PIAS1: variants seen among roughly 807,000 people sequenced by gnomAD.
PIAS1 encodes the protein E3 SUMO-protein ligase PIAS1.
Under a neutral mutation model 71.3 loss-of-function variants are expected in PIAS1, and 6 were observed. The observed-to-expected ratio is 0.08, with a 90% confidence interval of 0.05 to 0.17. The LOEUF (loss-of-function observed/expected upper bound fraction) is 0.17, where lower values mean the gene tolerates loss of function less well. PIAS1 is among the 10% of genes least tolerant of loss of function. The pLI is 1.00. For missense variants in PIAS1, 555 were observed against 793.6 expected (o/e 0.70, Z 3.61); for synonymous variants, 303 against 292.9 (o/e 1.03, Z -0.35).
At position 68,167,452 on chromosome 15, in the gene PIAS1, G is replaced by A. The variant is rs2092964566; in HGVS notation, c.1008+2648G>A. ...TACAGTTGCCCTTGTGATGTACAGA[G>A]CTCAAAATAAATGAGTTTCTTTTGT... On this transcript the variant is annotated intron_variant, in intron 8 of 13. Transcript: ENST00000249636. The surrounding 1 kb of genome is among the most constrained non-coding windows in gnomAD (Gnocchi z 4.4). Among the ~76,000 whole-genome samples the A allele has an allele frequency of 6.6e-6, 1 of 152,118 alleles. No homozygotes were observed. Among genetic ancestry groups the A allele is most frequent in the South Asian group, 2.1e-4 (1 of 4,828 alleles).
In PIAS1 at chr15:68,188,898, AAAAG is replaced by A. The variant is rs1319758336; in HGVS notation, c.*1069_*1072del. 2.6e-5 allele frequency: 4 copies of A among 152,248 alleles called. No homozygotes were observed. Among genetic ancestry groups the A allele is most frequent in the African/African-American group, 7.2e-5 (3 of 41,470 alleles). The allele number at this position is 152,248 out of a possible 1,614,324, so 9.4% of individuals were successfully genotyped here. ...ACAGAGGTAATGTTACATCACCTAA[AAAAG>A]AAAGATACACGGTCAGTTATCCTAA... On this transcript the variant is annotated 3_prime_UTR_variant, in exon 14 of 14. Coordinates refer to ENST00000249636, the MANE Select transcript of PIAS1 (RefSeq NM_016166.3).
At chr15:68,125,951 A>T (rs1383710772) in intron 2 of PIAS1, among the ~76,000 whole-genome samples, 2 of 152,130 alleles carry the variant, frequency 1.3e-5, no homozygotes, top group Non-Finnish European at 2.9e-5. Context: ...CTCCTGCCCT[A>T]GCCTCCCAAA....
At chr15:68,068,459 CT>C (rs1317734300) in intron 1 of PIAS1, among the ~76,000 whole-genome samples, 2 of 151,086 alleles carry the variant, frequency 1.3e-5, no homozygotes, top group East Asian at 1.9e-4. Flanking sequence ...GGGGTTAAGT[CT>C]TTTTTTTTGA....
Position 68,106,593 on chromosome 15 carries a change from C to T in PIAS1, c.469+19843C>T, listed in dbSNP as rs148826574. Among the ~76,000 whole-genome samples, 168 of 151,610 alleles carry T rather than the reference C, an allele frequency of 1.1e-3. 1 individual carries two copies. The highest frequency in any genetic ancestry group is 3.9e-3 in the African/African-American group (162 of 41,292). ...CAGTTGTCTCTCTTCATGTTTCCCC[C>T]ACCTTTGTCTGCCCCCTCCTTAGTT... On this transcript the variant is annotated intron_variant, in intron 2 of 13. Coordinates refer to ENST00000249636, the MANE Select transcript of PIAS1 (RefSeq NM_016166.3).
intron 1 of PIAS1, among the ~76,000 whole-genome samples, chr15:68,065,785 GGCTGGAGT>G (rs1445342785): frequency 7.6e-6 from 1 of 131,524 alleles, no homozygotes; most frequent in African/African-American, 3.0e-5. Context: ...CTCTTGCCCA[GGCTGGAGT>G]GCAGTGGTAT....
chr15:68,113,084 C>T (rs1159798960), intron 2 of PIAS1, among the ~76,000 whole-genome samples: 1 of 152,066 alleles, frequency 6.6e-6, no homozygotes, highest in African/African-American at 2.4e-5. Context: ...TTTTTCACAT[C>T]AAGTTGCCAT....
At chr15:68,164,654 CT>C in intron 7 of PIAS1, 76 bp from the exon 8 acceptor site, 1 of 752,614 alleles carries the variant, frequency 1.3e-6, no homozygotes, top group Non-Finnish European at 2.2e-6. Flanking sequence ...GCTTTTTATT[CT>C]TTATAGTAAT....
chr15:68,071,553 TAGAA>T (rs372679552), intron 1 of PIAS1, among the ~76,000 whole-genome samples: 2 of 151,442 alleles, frequency 1.3e-5, no homozygotes, highest in African/African-American at 4.8e-5. Context: ...TAAACGATAA[TAGAA>T]AGCAGTACCA....
intron 2 of PIAS1, among the ~76,000 whole-genome samples, chr15:68,093,053 T>G (rs919487762): frequency 6.6e-6 from 1 of 152,240 alleles, no homozygotes; most frequent in Admixed American, 6.5e-5. Flanking sequence ...CAGTGATGAC[T>G]TCGCAGTTTT....
At chr15:68,150,819 A>G (rs1371333979) in intron 6 of PIAS1, among the ~76,000 whole-genome samples, 2 of 152,194 alleles carry the variant, frequency 1.3e-5, no homozygotes, top group Admixed American at 6.5e-5. Context: ...TCAGATTTTC[A>G]GATTAGGGAT....
chr15:68,116,463 C>T (rs1054265963), intron 2 of PIAS1, among the ~76,000 whole-genome samples: 6 of 152,010 alleles, frequency 3.9e-5, no homozygotes, highest in African/African-American at 1.4e-4. Flanking sequence ...CAATCTATGT[C>T]TTTTCTTCTT....
chr15:68,145,712 T>C, intron 4 of PIAS1, 104 bp from the exon 5 acceptor site: 2 of 673,336 alleles, frequency 3.0e-6, no homozygotes, highest in South Asian at 1.9e-5. Context: ...TTTTCCCTTT[T>C]GGTTGTTTTT....
rs1355758249 is a variant in PIAS1, at chr15:68,081,641, A to T, written c.25-4665A>T. Among the ~76,000 whole-genome samples the T allele has an allele frequency of 2.0e-5, 3 of 152,276 alleles. 1 individual carries two copies. The highest frequency in any genetic ancestry group is 6.8e-3 in the Middle Eastern group (2 of 294). ...AGAGTTCATGGAAATTAAAAATTTA[A>T]TGTAAGCGTTAGGAGATAAAATTGA... On this transcript the variant is annotated intron_variant, in intron 1 of 13. Transcript: ENST00000249636.
rs2092964968 is a variant in PIAS1, at chr15:68,167,519, T to C, written c.1008+2715T>C. 1.3e-5 allele frequency among the ~76,000 whole-genome samples: 2 copies of C among 152,168 alleles called. No homozygotes were observed. The highest frequency in any genetic ancestry group is 2.1e-4 in the South Asian group (1 of 4,838). The stretch of plus-strand genomic sequence containing the variant: ...TAAAGGCAACAAAAATAATTAAAAA[T>C]GTTTTTACTCTTTGGGAATTTTATG... On this transcript the variant is annotated intron_variant, in intron 8 of 13. Coordinates refer to ENST00000249636, the MANE Select transcript of PIAS1 (RefSeq NM_016166.3). This position sits in a 1 kb window ranked among gnomAD's most constrained non-coding sequence, Gnocchi z 4.4.
chr15:68,173,996 G>T lies in PIAS1; in HGVS notation c.1169+104G>T. 1.5e-6 allele frequency: 1 copy of T among 649,842 alleles called. No individual in the cohort carries two copies. The allele number at this position is 649,842 out of a possible 1,614,324, so 40.3% of individuals were successfully genotyped here. On this transcript the variant is annotated intron_variant, in intron 9 of 13. Transcript: ENST00000249636. This position sits in a 1 kb window ranked among gnomAD's most constrained non-coding sequence, Gnocchi z 4.3. ...AAAATTCTAAGTTATATATTTGTAG[G>T]ATTTTTGTGAGTCTGCAAACCAATA...
Position 68,171,521 on chromosome 15 carries a change from A to G in PIAS1, c.1009-2211A>G, listed in dbSNP as rs1199480534. 6.6e-6 allele frequency among the ~76,000 whole-genome samples: 1 copy of G among 152,098 alleles called. No homozygotes were observed. Among genetic ancestry groups the G allele is most frequent in the Non-Finnish European group, 1.5e-5 (1 of 68,004 alleles). On this transcript the variant is annotated intron_variant, in intron 8 of 13. Transcript: ENST00000249636. This position sits in a 1 kb window ranked among gnomAD's most constrained non-coding sequence, Gnocchi z 4.4. ...TCATATGCAGGAGTGTAGAGTTGGG[A>G]GTACACAGAAGGGAGTTACCAGTTT...
intron 7 of PIAS1, among the ~76,000 whole-genome samples, chr15:68,155,639 A>G (rs914666657): frequency 6.6e-6 from 1 of 152,218 alleles, no homozygotes; most frequent in South Asian, 2.1e-4. Context: ...GTCAAGCCAG[A>G]CACTCTTATG....
At chr15:68,087,514 C>T (rs936329381) in intron 2 of PIAS1, among the ~76,000 whole-genome samples, 6 of 152,048 alleles carry the variant, frequency 3.9e-5, no homozygotes, top group Admixed American at 6.6e-5. Flanking sequence ...TGGCATACTA[C>T]GGCTGGCAAG....
intron 1 of PIAS1, among the ~76,000 whole-genome samples, chr15:68,070,211 A>G (rs143455228): frequency 1.3e-5 from 2 of 152,330 alleles, no homozygotes; most frequent in Non-Finnish European, 2.9e-5. Context: ...TCTCCTACAA[A>G]GTGGGAACTA....
Sources: gnomAD v4.1 joint callset for allele counts (sites outside exome capture counted in the v4.1 genomes callset) on GRCh38, gnomAD v4.1.1 for gene constraint, Gnocchi (gnomAD v3.1) non-coding constraint, MANE v1.5 for transcripts, NCBI Gene and HGNC (gene_info 2026-07-23, HGNC 2026-07-21) for gene names.